The following GALK2 variants were observed in gnomAD, a reference collection of about 807,000 sequenced individuals.
The protein encoded by GALK2 is galactokinase 2, also known as N-acetylgalactosamine kinase.
GALK2 carries 36 observed loss-of-function variants against 52.4 expected under a neutral mutation model. The ratio of observed to expected loss-of-function variants is 0.69; its 90% CI spans 0.53 to 0.91. GALK2 has a LOEUF of 0.91. Ranked by LOEUF, GALK2 falls within the 40% of genes least tolerant of loss-of-function variation. GALK2 has a pLI of 0.00. For synonymous variants in GALK2, 176 were observed against 199.1 expected (o/e 0.88, Z 0.98); for missense variants, 579 against 559.1 (o/e 1.04, Z -0.36).
At chr15:49,294,140 CAAATAAATAAATAAATAAATAAAT>C (rs10677248) in intron 8 of GALK2, among the ~76,000 whole-genome samples, 2 of 139,864 alleles carry the variant, frequency 1.4e-5, no homozygotes, top group South Asian at 2.3e-4. Flanking sequence ...GACCCTGTCT[CAAATAAATAAATAAATAAATAAAT>C]AAATAAATAA....
intron 8 of GALK2, among the ~76,000 whole-genome samples, chr15:49,306,653 A>T (rs994733358): frequency 6.6e-6 from 1 of 152,210 alleles, no homozygotes; most frequent in African/African-American, 2.4e-5. Context: ...GGCCAGCCCT[A>T]GGCAAGCATG....
intron 3 of GALK2, among the ~76,000 whole-genome samples, chr15:49,362,849 C>G (rs920604681): frequency 2.0e-5 from 3 of 152,044 alleles, no homozygotes; most frequent in Admixed American, 6.6e-5. Context: ...ATATAGCTAG[C>G]CAGTTTCCCA....
chr15:49,217,735 G>A (rs951054346), intron 3 of GALK2, among the ~76,000 whole-genome samples: 1 of 152,170 alleles, frequency 6.6e-6, no homozygotes, highest in African/African-American at 2.4e-5. Flanking sequence ...CCAGTAGACT[G>A]TAAACTCTGT....
chr15:49,321,373 C>T lies in GALK2; in HGVS notation c.1169+1568C>T, dbSNP rs138185760. On this transcript the variant is annotated intron_variant, in intron 9 of 9. Transcript: ENST00000560031. ...AAGTGGGGAGCCACACCATATAGGC[C>T]GTGTAGGCCATCGGAAGGCTTCTGG... Among the ~76,000 whole-genome samples the T allele has an allele frequency of 6.2e-3, 947 of 152,212 alleles. 10 individuals carry two copies. The highest frequency in any genetic ancestry group is 0.021 in the African/African-American group (884 of 41,514).
intron 3 of GALK2, among the ~76,000 whole-genome samples, chr15:49,228,659 T>TTA: frequency 1.5e-5 from 1 of 65,350 alleles, no homozygotes; most frequent in Non-Finnish European, 2.8e-5. Context: ...TGTCTTTCAC[T>TTA]GATATATATA....
At chr15:49,232,613 A>T (rs1237532589) in intron 3 of GALK2, among the ~76,000 whole-genome samples, 1 of 152,154 alleles carries the variant, frequency 6.6e-6, no homozygotes, top group Non-Finnish European at 1.5e-5. Context: ...TTTAAATATA[A>T]GTTTCAGTTT....
In GALK2 at chr15:49,178,456, A is replaced by G. The variant is rs1225036649; in HGVS notation, c.53+8081A>G. ...GCTTTCTCGTCTTCAATGGACTTCA[A>G]GCATACTTTAGCTGGTTAACACCAC... On this transcript the variant is annotated intron_variant, in intron 1 of 9. Coordinates refer to ENST00000560031, the MANE Select transcript of GALK2 (RefSeq NM_002044.4). 1.9e-5 allele frequency: 5 copies of G among 264,220 alleles called. No individual in the cohort carries two copies. In the East Asian group the frequency reaches 4.8e-4, roughly 25 times the overall value. 16.4% of individuals were successfully genotyped at this position (264,220 alleles called of 1,614,324 possible).
intron 2 of GALK2, among the ~76,000 whole-genome samples, chr15:49,203,281 C>T (rs1299008806): frequency 6.6e-6 from 1 of 152,012 alleles, no homozygotes; most frequent in Admixed American, 6.6e-5. Flanking sequence ...GAACTCCTGA[C>T]CTCAGATGAT....
rs567678632 is a variant in GALK2, at chr15:49,276,523, A to C, written c.505-5464A>C. On this transcript the variant is annotated intron_variant, in intron 5 of 9. Transcript: ENST00000560031. ...TTCTCATGAAATCTATTGAGATTTTACATAATTTAAGTAGGTATGGAGTAT... is the reference window on the plus strand; with the variant it reads ...TTCTCATGAAATCTATTGAGATTTTCCATAATTTAAGTAGGTATGGAGTAT... Among the ~76,000 whole-genome samples the C allele has an allele frequency of 5.9e-5, 9 of 152,342 alleles. No homozygotes were observed. In the South Asian group the frequency reaches 1.0e-3, roughly 18 times the overall value.
chr15:49,159,179 G>A (rs982042129), intron 1 of GALK2, among the ~76,000 whole-genome samples: 2 of 152,060 alleles, frequency 1.3e-5, no homozygotes, highest in Non-Finnish European at 2.9e-5. Flanking sequence ...GAATGTACCC[G>A]TGCACCATAA....
At chr15:49,350,125 ATAAAT>A (rs962181472) in intron 3 of GALK2, among the ~76,000 whole-genome samples, 3 of 152,206 alleles carry the variant, frequency 2.0e-5, no homozygotes, top group African/African-American at 4.8e-5. Context: ...TTTCTATAAA[ATAAAT>A]TAAACTTTTC....
chr15:49,280,451 G>A (rs2032522624), intron 5 of GALK2, among the ~76,000 whole-genome samples: 3 of 152,290 alleles, frequency 2.0e-5, no homozygotes, highest in Admixed American at 6.5e-5. Flanking sequence ...GTAAAGAACA[G>A]CATTTGTTTA....
downstream of GALK2, among the ~76,000 whole-genome samples, chr15:49,332,135 C>T (rs2038910450): frequency 6.6e-6 from 1 of 151,586 alleles, no homozygotes; most frequent in African/African-American, 2.4e-5. Flanking sequence ...AACAGTCATA[C>T]ACTTAGCAAG....
intron 5 of GALK2, among the ~76,000 whole-genome samples, chr15:49,275,457 ACT>A (rs1192696200): frequency 6.6e-6 from 1 of 152,226 alleles, no homozygotes; most frequent in Non-Finnish European, 1.5e-5. Flanking sequence ...CTGTTAGGTC[ACT>A]ATTTAAATGA....
intron 1 of GALK2, chr15:49,156,578 AC>A: frequency 1.9e-6 from 1 of 519,722 alleles, no homozygotes; most frequent in Non-Finnish European, 3.8e-6. Context: ...AGCTGCTGAA[AC>A]ACGTCAGGAG....
chr15:49,328,947 C>T lies in GALK2; in HGVS notation c.*788C>T. The T allele has an allele frequency of 2.7e-6, 3 of 1,111,864 alleles. No individual in the cohort carries two copies. Among genetic ancestry groups the T allele is most frequent in the Non-Finnish European group, 3.3e-6 (3 of 904,856 alleles). 68.9% of individuals were successfully genotyped at this position (1,111,864 alleles called of 1,614,324 possible). A position where few individuals can be genotyped will look rare whatever the true frequency, so the allele number is the denominator to read the frequency against. On this transcript the variant is annotated 3_prime_UTR_variant, in exon 10 of 10. Coordinates refer to ENST00000560031, the MANE Select transcript of GALK2 (RefSeq NM_002044.4). ...AAACACTTTAAGACTCTTCTATTCA[C>T]ATTGAAATAAAGAATTATCTAGATG...
At chr15:49,354,604 G>A (rs199967446) in intron 3 of GALK2, among the ~76,000 whole-genome samples, 6 of 152,298 alleles carry the variant, frequency 3.9e-5, no homozygotes, top group East Asian at 3.9e-4. Context: ...CTACGCCCAC[G>A]GAGTCTCGCT....
chr15:49,160,305 C>G (rs3105861), intron 1 of GALK2, among the ~76,000 whole-genome samples: 50,408 of 151,840 alleles, frequency 0.33, 9,058 homozygotes, highest in East Asian at 0.58. Context: ...AATAATAATT[C>G]CCTATCATTC....
intron 5 of GALK2, among the ~76,000 whole-genome samples, chr15:49,258,148 T>C (rs1018545995): frequency 6.6e-6 from 1 of 152,030 alleles, no homozygotes; most frequent in African/African-American, 2.4e-5. Flanking sequence ...TAATAACATA[T>C]CTATTTTGTG....
Sources: allele counts gnomAD v4.1 joint callset (sites outside exome capture counted in the v4.1 genomes callset), GRCh38; gene constraint gnomAD v4.1.1; transcripts MANE v1.5; gene names NCBI Gene and HGNC (gene_info 2026-07-23, HGNC 2026-07-21).